The following PCDH9 variants were observed in gnomAD, a reference collection of about 807,000 sequenced individuals.
PCDH9 encodes protocadherin 9.
A neutral mutation model predicts 70.6 loss-of-function variants in PCDH9; 24 were observed. That is an observed-to-expected ratio of 0.34 (90% CI 0.25 to 0.48). PCDH9 has a LOEUF of 0.48. Among genes scored for constraint, PCDH9 ranks in the 20% least tolerant of loss-of-function variants. PCDH9 has a pLI of 0.99. For missense variants in PCDH9, 1,281 were observed against 1,503.6 expected, an observed-to-expected ratio of 0.85 and a Z score of 2.45; for synonymous variants, 562 against 558.5, an observed-to-expected ratio of 1.01 and a Z score of -0.09.
At chr13:66,762,944 C>T (rs1475036996) in intron 3 of PCDH9, among the ~76,000 whole-genome samples, 1 of 151,750 alleles carries the variant, frequency 6.6e-6, no homozygotes, top group African/African-American at 2.4e-5. Context: ...TATGGTAAAT[C>T]ATTTTTCAAA....
At chr13:66,603,716 G>A (rs73194767) in intron 4 of PCDH9, among the ~76,000 whole-genome samples, 24,596 of 151,796 alleles carry the variant, frequency 0.16, 2,169 homozygotes, top group Middle Eastern at 0.22. Context: ...CATGTATCTG[G>A]TGCCCCAAAT....
intron 4 of PCDH9, among the ~76,000 whole-genome samples, chr13:66,376,980 AAAT>A (rs1956759222): frequency 6.6e-6 from 1 of 152,172 alleles, no homozygotes; most frequent in South Asian, 2.1e-4. Context: ...AATAGTAGCA[AAAT>A]AATAAAAAAA....
chr13:67,194,243 A>G (rs1182216461), intron 2 of PCDH9, among the ~76,000 whole-genome samples: 1 of 152,198 alleles, frequency 6.6e-6, no homozygotes, highest in African/African-American at 2.4e-5. Context: ...ATTATAAAAC[A>G]TTCAATGTTT....
intron 4 of PCDH9, among the ~76,000 whole-genome samples, chr13:66,570,400 A>G (rs956471317): frequency 4.6e-5 from 7 of 152,114 alleles, no homozygotes; most frequent in African/African-American, 1.7e-4. Flanking sequence ...GTAAAACTAA[A>G]TATAACACAG....
intron 3 of PCDH9, among the ~76,000 whole-genome samples, chr13:66,758,462 G>T (rs1247674124): frequency 6.6e-6 from 1 of 151,834 alleles, no homozygotes; most frequent in Non-Finnish European, 1.5e-5. Flanking sequence ...GTGCATATTT[G>T]TGAGGTACAA....
At chr13:67,198,050 T>C (rs994248320) in intron 2 of PCDH9, among the ~76,000 whole-genome samples, 6 of 151,544 alleles carry the variant, frequency 4.0e-5, no homozygotes, top group Non-Finnish European at 8.9e-5. Context: ...ACACTAAAAA[T>C]AGCAAATAGA....
At chr13:66,457,605 A>C (rs1958343148) in intron 4 of PCDH9, among the ~76,000 whole-genome samples, 1 of 152,040 alleles carries the variant, frequency 6.6e-6, no homozygotes, top group East Asian at 1.9e-4. Context: ...CAATGCCTAG[A>C]TCACACCCCA....
Position 66,916,073 on chromosome 13 carries a change from C to T in PCDH9, c.3037-12468G>A, listed in dbSNP as rs1473728808. Among the ~76,000 whole-genome samples, 5 of 151,542 alleles carry T rather than the reference C, an allele frequency of 3.3e-5. No individual in the cohort carries two copies. In the East Asian group the frequency reaches 9.7e-4, roughly 29 times the overall value. On this transcript the variant is annotated intron_variant, in intron 2 of 4. Coordinates refer to ENST00000377865, the MANE Select transcript of PCDH9 (RefSeq NM_203487.3). ...GAGGAAATGAAAGCATAGAGACTAA[C>T]TTCTCTGAGATGAAATATTCAGAGA...
intron 4 of PCDH9, among the ~76,000 whole-genome samples, chr13:66,608,225 T>C (rs1435230711): frequency 6.6e-6 from 1 of 152,074 alleles, no homozygotes; most frequent in Non-Finnish European, 1.5e-5. Flanking sequence ...AGGTCTGTGA[T>C]AGCTGATTAT....
chr13:66,605,877 T>C lies in PCDH9; in HGVS notation c.3340+25333A>G, dbSNP rs567066920. 2.6e-5 allele frequency among the ~76,000 whole-genome samples: 4 copies of C among 152,222 alleles called. No individual in the cohort carries two copies. In the South Asian group the frequency reaches 8.3e-4, roughly 32 times the overall value. On this transcript the variant is annotated intron_variant, in intron 4 of 4. Transcript: ENST00000377865. ...GACATTTGTTTTTTCCTGGCTCTAA[T>C]AGTAACACTGGCCGAGTTTACTTTT...
chr13:66,774,320 T>C (rs541322661), intron 3 of PCDH9, among the ~76,000 whole-genome samples: 1 of 152,132 alleles, frequency 6.6e-6, no homozygotes, highest in Non-Finnish European at 1.5e-5. Flanking sequence ...ATGCTTGCAG[T>C]GTCCCTATGT....
At chr13:66,853,915 GA>G (rs1178079565) in intron 3 of PCDH9, among the ~76,000 whole-genome samples, 2 of 151,808 alleles carry the variant, frequency 1.3e-5, no homozygotes, top group Admixed American at 6.6e-5. Context: ...AGAAAACTAT[GA>G]AAATATTTAA....
chr13:66,323,243 T>C (rs1190161910), intron 4 of PCDH9: 1 of 151,970 alleles, frequency 6.6e-6, no homozygotes, highest in Non-Finnish European at 1.5e-5. Context: ...TGAGTCTTCA[T>C]ATCCTCCCAA....
At chr13:66,652,175 A>G (rs535652289) in intron 3 of PCDH9, among the ~76,000 whole-genome samples, 1 of 152,246 alleles carries the variant, frequency 6.6e-6, no homozygotes, top group Admixed American at 6.5e-5. Context: ...AGAGAAATAA[A>G]TAAAGGGCAT....
chr13:67,051,872 T>C (rs2085331477), intron 2 of PCDH9, among the ~76,000 whole-genome samples: 1 of 152,132 alleles, frequency 6.6e-6, no homozygotes, highest in African/African-American at 2.4e-5. Flanking sequence ...AATTGGAAAG[T>C]TGAAAAACTT....
At chr13:67,047,871 A>T (rs1241040284) in intron 2 of PCDH9, among the ~76,000 whole-genome samples, 1 of 152,234 alleles carries the variant, frequency 6.6e-6, no homozygotes, top group African/African-American at 2.4e-5. Flanking sequence ...AGATCATTCA[A>T]CCAAAAGCAC....
intron 2 of PCDH9, among the ~76,000 whole-genome samples, chr13:67,086,661 A>G (rs893409670): frequency 4.6e-5 from 7 of 152,214 alleles, no homozygotes; most frequent in Admixed American, 2.0e-4. Context: ...CTAGATCTGT[A>G]GCCAGGTGAA....
At chr13:66,615,799 C>T (rs1238749270) in intron 4 of PCDH9, among the ~76,000 whole-genome samples, 1 of 152,150 alleles carries the variant, frequency 6.6e-6, no homozygotes, top group East Asian at 1.9e-4. Context: ...CTATTTATGG[C>T]CTTTAATAAT....
At chr13:67,015,262 G>T (rs572997276) in intron 2 of PCDH9, among the ~76,000 whole-genome samples, 1 of 152,220 alleles carries the variant, frequency 6.6e-6, no homozygotes, top group East Asian at 1.9e-4. Flanking sequence ...ACTGGCTTCT[G>T]TGACTCTGTA....
Sources: allele counts gnomAD v4.1 joint callset (sites outside exome capture counted in the v4.1 genomes callset), GRCh38; gene constraint gnomAD v4.1.1; transcripts MANE v1.5; gene names NCBI Gene and HGNC (gene_info 2026-07-23, HGNC 2026-07-21).